Variants in CC2D2B observed in about 807,000 individuals in gnomAD.
CC2D2B encodes protein CC2D2B.
In CC2D2B, 128 loss-of-function variants were observed where a neutral mutation model predicts 161.2. That is an observed-to-expected ratio of 0.79 (90% CI 0.69 to 0.92). The LOEUF (loss-of-function observed/expected upper bound fraction) is 0.92. CC2D2B is among the 40% of genes least tolerant of loss of function. The probability of loss-of-function intolerance (pLI) is 0.00; values close to 1 mark genes in which losing one functional copy is unlikely to be tolerated. For missense variants in CC2D2B, 1,173 were observed against 1,375.1 expected (o/e 0.85, Z 2.32); for synonymous variants, 391 against 449.8 (o/e 0.87, Z 1.65).
chr10:95,973,842 C>T (rs1337898637), intron 16 of CC2D2B, among the ~76,000 whole-genome samples, 167 bp from the exon 17 acceptor site: 2 of 113,270 alleles, frequency 1.8e-5, no homozygotes, highest in African/African-American at 6.9e-5. Context: ...GCCTGGGCAT[C>T]AAGAGCAAAA....
In CC2D2B at chr10:95,974,148, T is replaced by C; in HGVS notation, c.1935T>C (p.Ser645=). The part of the protein sequence containing the change: ...LIPMPQSLRS[S]YCSMLRNVDA... Reference sequence around the variant, plus strand: ...CTATGCCACAATCATTAAGATCTTCTTACTGCAGGTAATAAACTTTTATCT... The same window carrying C: ...CTATGCCACAATCATTAAGATCTTCCTACTGCAGGTAATAAACTTTTATCT... Residue 645 remains serine (S), a synonymous_variant, in exon 17 of 35, where the codon TCT becomes TCC. Coordinates refer to ENST00000646931, the MANE Select transcript of CC2D2B (RefSeq NM_001349008.3). 1 of 1,229,324 alleles carries C rather than the reference T, an allele frequency of 8.1e-7. No individual in the cohort carries two copies. Among genetic ancestry groups the C allele is most frequent in the Non-Finnish European group, 1.0e-6 (1 of 985,452 alleles). The allele number at this position is 1,229,324 out of a possible 1,614,324, so 76.2% of individuals were successfully genotyped here.
intron 18 of CC2D2B, 45 bp downstream of exon 18, chr10:95,982,158 TA>T: frequency 8.7e-7 from 1 of 1,149,826 alleles, no homozygotes; most frequent in Non-Finnish European, 1.1e-6. Flanking sequence ...TTCTATTTCC[TA>T]AGCTCTACTT....
chr10:96,025,221 A>ATATATG (rs2079709850), intron 33 of CC2D2B, among the ~76,000 whole-genome samples: 1 of 120,222 alleles, frequency 8.3e-6, no homozygotes, highest in African/African-American at 3.2e-5. Flanking sequence ...ATATATATAT[A>ATATATG]GCTGGGCATG....
At chr10:95,933,243 GTTC>G (rs1399010969) in intron 6 of CC2D2B, among the ~76,000 whole-genome samples, 3 of 151,818 alleles carry the variant, frequency 2.0e-5, no homozygotes, top group Admixed American at 6.6e-5. Flanking sequence ...GGTCATTTAT[GTTC>G]TTCTTTAAAC....
rs1034982131 is a variant in CC2D2B, at chr10:95,911,309, A to T, written c.-15A>T. 4.1e-6 allele frequency: 1 copy of T among 243,436 alleles called. No individual in the cohort carries two copies. The highest frequency in any genetic ancestry group is 2.2e-5 in the African/African-American group (1 of 45,232). The allele number at this position is 243,436 out of a possible 1,614,324, so 15.1% of individuals were successfully genotyped here. On this transcript the variant is annotated 5_prime_UTR_variant, in exon 2 of 35. Coordinates refer to ENST00000646931, the MANE Select transcript of CC2D2B (RefSeq NM_001349008.3). Reference sequence around the variant, plus strand: ...ATTTCTTATTTATTTAGAAAGTTGAAATAAAAGGACCATCATGAAAAAATC... The same window carrying T: ...ATTTCTTATTTATTTAGAAAGTTGATATAAAAGGACCATCATGAAAAAATC...
At chr10:95,988,875 T>C (rs1357383343) in intron 20 of CC2D2B, among the ~76,000 whole-genome samples, 2 of 152,244 alleles carry the variant, frequency 1.3e-5, no homozygotes, top group African/African-American at 4.8e-5. Context: ...CCCCTCATCA[T>C]GCCACTAGAC....
At chr10:95,969,225 A>C (rs1025883541) in intron 15 of CC2D2B, among the ~76,000 whole-genome samples, 11 of 152,196 alleles carry the variant, frequency 7.2e-5, no homozygotes, top group Non-Finnish European at 1.6e-4. Flanking sequence ...AGCTATTTTA[A>C]GTGTTGAATG....
intron 32 of CC2D2B, chr10:96,022,521 T>C (rs931542944): frequency 6.6e-6 from 1 of 152,216 alleles, no homozygotes; most frequent in African/African-American, 2.4e-5. Context: ...GCAAGCCACA[T>C]TTAAAGCCTC....
intron 34 of CC2D2B, among the ~76,000 whole-genome samples, chr10:96,029,607 A>G (rs1240043576): frequency 6.6e-6 from 1 of 151,826 alleles, no homozygotes; most frequent in Non-Finnish European, 1.5e-5. Flanking sequence ...TCTACATGCA[A>G]ATTACAGTGG....
intron 2 of CC2D2B, among the ~76,000 whole-genome samples, chr10:95,912,335 A>AT (rs1178991790): frequency 6.6e-6 from 1 of 152,236 alleles, no homozygotes; most frequent in Non-Finnish European, 1.5e-5. Context: ...AGAAATGCTT[A>AT]TTTTAACATA....
chr10:95,987,345 G>A (rs976867980), intron 19 of CC2D2B, among the ~76,000 whole-genome samples: 3 of 151,930 alleles, frequency 2.0e-5, no homozygotes, highest in East Asian at 1.9e-4. Context: ...TGTAAATAAC[G>A]TGATATGAAA....
In CC2D2B at chr10:95,981,984, G is replaced by A. The variant is rs1169545252; in HGVS notation, c.1953G>A (p.Arg651=). The change falls in exon 18 of 35, where the codon AGG becomes AGA. Residue 651 remains arginine, a synonymous_variant. Coordinates refer to ENST00000646931, the MANE Select transcript of CC2D2B (RefSeq NM_001349008.3). ...ATTTTCTCTATGTTAGTATGTTAAG[G>A]AATGTAGATGCAAGAAGTGTTCCTG... ...SLRSSYCSML[R]NVDARSVPGI... The A allele has an allele frequency of 3.3e-6, 4 of 1,228,214 alleles. No homozygotes were observed. The highest frequency in any genetic ancestry group is 4.1e-6 in the Non-Finnish European group (4 of 984,712). The allele number at this position is 1,228,214 out of a possible 1,614,324, so 76.1% of individuals were successfully genotyped here.
In CC2D2B at chr10:95,992,713, C is replaced by T; in HGVS notation, c.2642+16C>T. Reference sequence around the variant, plus strand: ...CAATTAATGGGTAAGGCAATATGCCCCAATTTTTAGAGTTGCAAAAGGTCT... The same window carrying T: ...CAATTAATGGGTAAGGCAATATGCCTCAATTTTTAGAGTTGCAAAAGGTCT... On this transcript the variant is annotated intron_variant, in intron 22 of 34. Transcript: ENST00000646931. The T allele has an allele frequency of 8.1e-7, 1 of 1,230,712 alleles. No homozygotes were observed. The highest frequency in any genetic ancestry group is 3.2e-5 in the East Asian group (1 of 31,668). The allele number at this position is 1,230,712 out of a possible 1,614,324, so 76.2% of individuals were successfully genotyped here.
intron 24 of CC2D2B, chr10:96,000,253 A>C: frequency 8.4e-7 from 1 of 1,196,328 alleles, no homozygotes; most frequent in Non-Finnish European, 1.0e-6. Flanking sequence ...CATTTTGGCG[A>C]ATTACTGGAA....
At position 96,033,321 on chromosome 10, in the gene CC2D2B, G is replaced by GACT. The variant is rs373051483; in HGVS notation, c.*1314_*1315insCTA. 6.6e-6 allele frequency among the ~76,000 whole-genome samples: 1 copy of GACT among 152,308 alleles called. No homozygotes were observed. The highest frequency in any genetic ancestry group is 1.9e-4 in the East Asian group (1 of 5,188). On this transcript the variant is annotated 3_prime_UTR_variant, in exon 35 of 35. Transcript: ENST00000646931. The stretch of plus-strand genomic sequence containing the variant: ...TCTTGGACCAAGCTTGAGATTACTA[G>GACT]AAGAGGCAAAGTAGGGACATGGGTG...
intron 24 of CC2D2B, among the ~76,000 whole-genome samples, chr10:95,998,962 TC>T (rs1387611054): frequency 6.6e-6 from 1 of 152,184 alleles, no homozygotes; most frequent in East Asian, 1.9e-4. Flanking sequence ...ATGCCTGTAA[TC>T]CCAGCTACTT....
chr10:95,965,937 A>C lies in CC2D2B; in HGVS notation c.1292A>C (p.Glu431Ala). 1 of 1,218,272 alleles carries C rather than the reference A, an allele frequency of 8.2e-7. No homozygotes were observed. Among genetic ancestry groups the C allele is most frequent in the Non-Finnish European group, 1.0e-6 (1 of 975,630 alleles). The allele number at this position is 1,218,272 out of a possible 1,614,324, so 75.5% of individuals were successfully genotyped here. A position where few individuals can be genotyped will look rare whatever the true frequency, so the allele number is the denominator to read the frequency against. The change falls in exon 13 of 35, where the codon GAA becomes GCA. Residue 431 changes from glutamate to alanine, a missense_variant. Physicochemically the swap from Glu to Ala is moderately radical, Grantham distance 107 (BLOSUM62 -1). This residue lies in a region of CC2D2B where 277 missense variants were observed against 420.6 expected (regional missense o/e 0.66). Transcript: ENST00000646931. ...NKCDEQEQIS[E>A]MSETEKKNEG... is the part of the protein sequence containing the mutation. ...TGTGATGAACAAGAGCAAATCTCAG[A>C]AATGTCTGAAACTGAGAAGAAAAAT...
rs1396055827 is a variant in CC2D2B at position 96,031,265 on chromosome 10, T to C, written c.4126-555T>C. ...AAGGAAGGACAGTGTGCTACACAAC[T>C]ACATGGGAAGAGCGTGTGAACAGAT... On this transcript the variant is annotated intron_variant, in intron 34 of 34. Transcript: ENST00000646931. 2.0e-5 allele frequency among the ~76,000 whole-genome samples: 3 copies of C among 152,210 alleles called. No homozygotes were observed. In the East Asian group the frequency reaches 5.8e-4, roughly 29 times the overall value.
chr10:96,000,360 A>AAAG, intron 24 of CC2D2B: 1 of 272,336 alleles, frequency 3.7e-6, no homozygotes, highest in East Asian at 2.6e-4. Flanking sequence ...AATAAATAAA[A>AAAG]TGTATTTATA....
Sources: allele counts gnomAD v4.1 joint callset (sites outside exome capture counted in the v4.1 genomes callset), GRCh38; gene constraint gnomAD v4.1.1; regional missense constraint gnomAD v4.1.1; transcripts MANE v1.5; gene names NCBI Gene and HGNC (gene_info 2026-07-23, HGNC 2026-07-21).